The following KCTD8 variants were observed in gnomAD, a reference collection of about 807,000 sequenced individuals.
KCTD8 encodes the protein BTB/POZ domain-containing protein KCTD8.
KCTD8 carries 27 observed loss-of-function variants against 31.5 expected under a neutral mutation model. The observed-to-expected ratio is 0.86, with a 90% CI of 0.63 to 1.18. The LOEUF is 1.18. Ranked by LOEUF, KCTD8 falls within the 50% of genes most tolerant of loss-of-function variation. KCTD8 has a pLI of 0.00. For synonymous variants in KCTD8, 290 were observed against 280.0 expected (o/e 1.04, Z -0.36); for missense variants, 658 against 647.7 (o/e 1.02, Z -0.17).
chr4:44,362,346 C>T (rs574639145), intron 1 of KCTD8, among the ~76,000 whole-genome samples: 1 of 152,132 alleles, frequency 6.6e-6, no homozygotes, highest in African/African-American at 2.4e-5. Flanking sequence ...CCTCAACTTT[C>T]ATGAGTTTTC....
chr4:44,438,744 G>T (rs1429472094), intron 1 of KCTD8, among the ~76,000 whole-genome samples: 1 of 152,120 alleles, frequency 6.6e-6, no homozygotes, highest in Non-Finnish European at 1.5e-5. Context: ...AAGAAATCTG[G>T]TACTGAGAAT....
At chr4:44,266,635 T>C (rs1483050984) in intron 1 of KCTD8, among the ~76,000 whole-genome samples, 1 of 150,930 alleles carries the variant, frequency 6.6e-6, no homozygotes, top group African/African-American at 2.4e-5. Context: ...CAGTGTGCTG[T>C]ATTCAGGAAA....
intron 1 of KCTD8, among the ~76,000 whole-genome samples, chr4:44,312,714 C>T (rs2109400429): frequency 6.6e-6 from 1 of 152,270 alleles, no homozygotes; most frequent in African/African-American, 2.4e-5. Context: ...TTTATACACA[C>T]ATATCCATAG....
At chr4:44,377,162 T>C (rs1429361798) in intron 1 of KCTD8, among the ~76,000 whole-genome samples, 1 of 152,176 alleles carries the variant, frequency 6.6e-6, no homozygotes, top group South Asian at 2.1e-4. Flanking sequence ...TTAGAATTCT[T>C]GCATTTCTTG....
At position 44,259,776 on chromosome 4, in the gene KCTD8, T is replaced by G. The variant is rs185308329; in HGVS notation, c.962-84526A>C. On this transcript the variant is annotated intron_variant, in intron 1 of 1. Transcript: ENST00000360029. ...TATTCAAATCCATTAGTGCAAGAAGTGTTGATGTGAGTGAGCAAAAGGTCT... is the reference window on the plus strand; with the variant it reads ...TATTCAAATCCATTAGTGCAAGAAGGGTTGATGTGAGTGAGCAAAAGGTCT... Among the ~76,000 whole-genome samples, 740 of 151,970 alleles carry G rather than the reference T, an allele frequency of 4.9e-3. 7 individuals are homozygous for G. The highest frequency in any genetic ancestry group is 0.017 in the African/African-American group (698 of 41,522).
chr4:44,378,275 T>A (rs1719969849), intron 1 of KCTD8, among the ~76,000 whole-genome samples: 1 of 147,118 alleles, frequency 6.8e-6, no homozygotes, highest in Admixed American at 6.8e-5. Context: ...GTATGTGTAT[T>A]AGGCAGGGCA....
At chr4:44,184,402 A>T (rs2109331890) in intron 1 of KCTD8, among the ~76,000 whole-genome samples, 1 of 152,324 alleles carries the variant, frequency 6.6e-6, no homozygotes, top group South Asian at 2.1e-4. Context: ...AGCATTACTT[A>T]GCCACTTTTA....
At chr4:44,339,916 G>T (rs981289623) in intron 1 of KCTD8, among the ~76,000 whole-genome samples, 1 of 152,050 alleles carries the variant, frequency 6.6e-6, no homozygotes, top group Non-Finnish European at 1.5e-5. Context: ...ATACAACAAT[G>T]TTCAAGTCAA....
At chr4:44,313,485 G>T (rs1486839837) in intron 1 of KCTD8, among the ~76,000 whole-genome samples, 3 of 152,116 alleles carry the variant, frequency 2.0e-5, no homozygotes, top group African/African-American at 7.2e-5. Flanking sequence ...GGCAACAAGA[G>T]CTTCTGGATC....
chr4:44,271,494 G>A (rs889523847), intron 1 of KCTD8, among the ~76,000 whole-genome samples: 1 of 152,058 alleles, frequency 6.6e-6, no homozygotes, highest in Non-Finnish European at 1.5e-5. Flanking sequence ...CCCCAAATCT[G>A]CCCATAAACT....
At chr4:44,400,210 A>G (rs1720611446) in intron 1 of KCTD8, among the ~76,000 whole-genome samples, 1 of 152,196 alleles carries the variant, frequency 6.6e-6, no homozygotes, top group Non-Finnish European at 1.5e-5. Flanking sequence ...CAAATTCTAA[A>G]ATAATGGCTT....
chr4:44,262,728 T>C (rs954296596), intron 1 of KCTD8, among the ~76,000 whole-genome samples: 5 of 152,190 alleles, frequency 3.3e-5, no homozygotes, highest in South Asian at 2.1e-4. Flanking sequence ...TTCTCCCTCA[T>C]TGGGTTTTAA....
In KCTD8 at chr4:44,382,547, T is replaced by C. The variant is rs957467195; in HGVS notation, c.961+65016A>G. Among the ~76,000 whole-genome samples the C allele has an allele frequency of 5.7e-4, 86 of 151,834 alleles. 2 individuals carry two copies. Among genetic ancestry groups the C allele is most frequent in the Admixed American group, 5.7e-3 (86 of 15,202 alleles). On this transcript the variant is annotated intron_variant, in intron 1 of 1. Coordinates refer to ENST00000360029, the MANE Select transcript of KCTD8 (RefSeq NM_198353.3). ...TTCAAGACCATCTTGGCCAACATGG[T>C]AAAACCCCATCTCTACTTAAAATAC...
In KCTD8 at chr4:44,174,946, T is replaced by C. The variant is rs1216118056; in HGVS notation, c.1266A>G (p.Glu422=). The C allele has an allele frequency of 6.2e-7, 1 of 1,614,026 alleles. No individual in the cohort carries two copies. Among genetic ancestry groups the C allele is most frequent in the African/African-American group, 1.3e-5 (1 of 74,936 alleles). ...LFQTLISKSR[E]TNLSKKKVCE... The stretch of plus-strand genomic sequence containing the variant: ...AGACTTTCTTTTTGGACAGATTTGT[T>C]TCCCGGGACTTGCTGATGAGGGTCT... The change falls in exon 2 of 2, where the codon GAA becomes GAG. Residue 422 remains glutamate (E), a synonymous_variant. Transcript: ENST00000360029.
intron 1 of KCTD8, among the ~76,000 whole-genome samples, chr4:44,438,219 T>C (rs995646899): frequency 6.6e-6 from 1 of 152,210 alleles, no homozygotes; most frequent in Non-Finnish European, 1.5e-5. Context: ...ATTGAAGATA[T>C]GTCAGAGTGG....
In KCTD8 at chr4:44,178,858, A is replaced by G. The variant is rs114365360; in HGVS notation, c.962-3608T>C. Among the ~76,000 whole-genome samples, 1,511 of 152,300 alleles carry G rather than the reference A, an allele frequency of 9.9e-3. 26 individuals are homozygous for G. The highest frequency in any genetic ancestry group is 0.034 in the African/African-American group (1,424 of 41,562). The stretch of plus-strand genomic sequence containing the variant: ...AAACTAACTGGTCTTGCAGTGCAAG[A>G]TAGAAGATTAAGGAAGCCCTCTTTG... On this transcript the variant is annotated intron_variant, in intron 1 of 1. Transcript: ENST00000360029.
intron 1 of KCTD8, among the ~76,000 whole-genome samples, chr4:44,441,858 T>A (rs1721818855): frequency 6.6e-6 from 1 of 152,170 alleles, no homozygotes; most frequent in Admixed American, 6.5e-5. Flanking sequence ...ATAATCAAAT[T>A]TTTTTCTGGG....
chr4:44,195,122 C>T (rs768402090), intron 1 of KCTD8, among the ~76,000 whole-genome samples: 11 of 151,670 alleles, frequency 7.3e-5, no homozygotes, highest in Non-Finnish European at 1.5e-4. Context: ...AGGTGATCCA[C>T]CCACCTCGGC....
At position 44,228,726 on chromosome 4, in the gene KCTD8, TTC is replaced by T. The variant is rs1397881986; in HGVS notation, c.962-53478_962-53477del. On this transcript the variant is annotated intron_variant, in intron 1 of 1. Coordinates refer to ENST00000360029, the MANE Select transcript of KCTD8 (RefSeq NM_198353.3). ...TCTATCACAGTTTAGCTTGTTTATT[TTC>T]TGTTTCCTTCCTTATAACCTCCATT... 5.3e-5 allele frequency among the ~76,000 whole-genome samples: 8 copies of T among 152,334 alleles called. No homozygotes were observed. In the East Asian group the frequency reaches 1.2e-3, roughly 22 times the overall value.
Sources: gnomAD v4.1 joint callset for allele counts (sites outside exome capture counted in the v4.1 genomes callset) on GRCh38, gnomAD v4.1.1 for gene constraint, MANE v1.5 for transcripts, NCBI Gene and HGNC (gene_info 2026-07-23, HGNC 2026-07-21) for gene names.